The following CHCHD3 variants were observed in gnomAD, a reference collection of about 807,000 sequenced individuals.
CHCHD3 encodes MICOS complex subunit MIC19.
A neutral mutation model predicts 38.2 loss-of-function variants in CHCHD3; 20 were observed. That is an observed-to-expected ratio of 0.52 (90% CI 0.37 to 0.76). The LOEUF (loss-of-function observed/expected upper bound fraction) is 0.76, where lower values mean the gene tolerates loss of function less well. CHCHD3 is among the 30% of genes least tolerant of loss of function. CHCHD3 has a pLI of 0.00. For synonymous variants in CHCHD3, 82 were observed against 100.0 expected (o/e 0.82, Z 1.07); for missense variants, 245 against 279.2 (o/e 0.88, Z 0.87).
At chr7:132,926,536 A>C (rs1810382884) in intron 4 of CHCHD3, among the ~76,000 whole-genome samples, 1 of 152,172 alleles carries the variant, frequency 6.6e-6, no homozygotes, top group Non-Finnish European at 1.5e-5. Context: ...TCTATCCGTA[A>C]AAGGAATTTG....
intron 4 of CHCHD3, among the ~76,000 whole-genome samples, chr7:132,918,449 C>G (rs1462087218): frequency 6.6e-6 from 1 of 152,128 alleles, no homozygotes; most frequent in Non-Finnish European, 1.5e-5. Context: ...CAATCGAGAC[C>G]AGTAAGTGAA....
At chr7:132,868,939 C>T (rs1808697707) in intron 5 of CHCHD3, among the ~76,000 whole-genome samples, 1 of 152,010 alleles carries the variant, frequency 6.6e-6, no homozygotes, top group Admixed American at 6.6e-5. Flanking sequence ...CTCTTGTTGT[C>T]CATTTCATCT....
intron 4 of CHCHD3, among the ~76,000 whole-genome samples, chr7:132,906,905 G>A (rs1331885145): frequency 1.3e-5 from 2 of 152,068 alleles, no homozygotes; most frequent in African/African-American, 2.4e-5. Context: ...AGAATGGCCA[G>A]GACACCAACT....
chr7:132,962,187 T>A (rs1811336386), intron 4 of CHCHD3, among the ~76,000 whole-genome samples: 1 of 152,242 alleles, frequency 6.6e-6, no homozygotes, highest in Admixed American at 6.5e-5. Flanking sequence ...ATAGAGGCTT[T>A]CAACTTTAAC....
intron 4 of CHCHD3, among the ~76,000 whole-genome samples, chr7:132,948,869 GA>G (rs1462244207): frequency 6.6e-6 from 1 of 152,060 alleles, no homozygotes; most frequent in African/African-American, 2.4e-5. Flanking sequence ...GAAATGTGTT[GA>G]AATCAAGTAA....
intron 4 of CHCHD3, among the ~76,000 whole-genome samples, chr7:132,943,463 C>T (rs191453159): frequency 6.6e-5 from 10 of 152,088 alleles, no homozygotes; most frequent in Middle Eastern, 3.4e-3. Context: ...CAAGACAACT[C>T]TAAAGAGAAT....
At chr7:132,992,475 C>T (rs1249155600) in intron 3 of CHCHD3, among the ~76,000 whole-genome samples, 1 of 152,180 alleles carries the variant, frequency 6.6e-6, no homozygotes, top group Non-Finnish European at 1.5e-5. Flanking sequence ...CATTGCTCCC[C>T]CAGTGCTACA....
chr7:133,000,260 C>T (rs887255408), intron 3 of CHCHD3, among the ~76,000 whole-genome samples: 1 of 152,134 alleles, frequency 6.6e-6, no homozygotes, highest in Non-Finnish European at 1.5e-5. Flanking sequence ...ATCATTCGTG[C>T]TGAGCACCAG....
Position 132,863,970 on chromosome 7 carries a change from G to A in CHCHD3, c.453+21692C>T, listed in dbSNP as rs73724117. On this transcript the variant is annotated intron_variant, in intron 5 of 7. Coordinates refer to ENST00000262570, the MANE Select transcript of CHCHD3 (RefSeq NM_017812.4). ...CTGGTCTGATATTCCACCAAACCAC[G>A]AATCTTTCTCCACAGCAGTAATAAA... Among the ~76,000 whole-genome samples the A allele has an allele frequency of 8.8e-3, 1,336 of 152,272 alleles. 25 individuals are homozygous for A. Among genetic ancestry groups the A allele is most frequent in the African/African-American group, 0.031 (1,277 of 41,538 alleles).
chr7:132,975,180 C>G lies in CHCHD3; in HGVS notation c.358G>C (p.Ala120Pro), dbSNP rs201557228. The G allele has an allele frequency of 1.2e-6, 2 of 1,611,786 alleles. No homozygotes were observed. The highest frequency in any genetic ancestry group is 3.3e-5 in the Admixed American group (2 of 60,010). ...RICSEEERAK[A>P]KHLARQLEEK... ...TTTTTAATACTCACCAGGTGCTTTG[C>G]CTTAGCGCGTTCCTCCTCGCTACAT... The change falls in exon 4 of 8, where the codon GCA (alanine) becomes CCA (proline). Residue 120 changes from alanine (A) to proline (P), a missense_variant. Transcript: ENST00000262570.
intron 4 of CHCHD3, among the ~76,000 whole-genome samples, chr7:132,903,850 GGAAA>G (rs1169532310): frequency 1.3e-5 from 2 of 152,182 alleles, no homozygotes; most frequent in African/African-American, 4.8e-5. Flanking sequence ...CCAGACCAGA[GGAAA>G]GAGATTCCCA....
chr7:132,964,014 ACT>A lies in CHCHD3; in HGVS notation c.369+11153_369+11154del, dbSNP rs148992962. ...AATGGTCAATGGCATAGTTTTTCAAACTCTATTCAGAGCTTGGCTTTACAAAC... is the reference window on the plus strand; with the variant it reads ...AATGGTCAATGGCATAGTTTTTCAAACTATTCAGAGCTTGGCTTTACAAAC... On this transcript the variant is annotated intron_variant, in intron 4 of 7. Transcript: ENST00000262570. Among the ~76,000 whole-genome samples the A allele has an allele frequency of 8.4e-3, 1,281 of 151,988 alleles. 10 individuals are homozygous for A. The highest frequency in any genetic ancestry group is 0.065 in the South Asian group (314 of 4,804).
chr7:132,939,469 G>A (rs964214691), intron 4 of CHCHD3, among the ~76,000 whole-genome samples: 3 of 152,124 alleles, frequency 2.0e-5, no homozygotes, highest in Non-Finnish European at 4.4e-5. Flanking sequence ...ATTAAGTACA[G>A]GAATCTGCTA....
rs145876035 is a variant in CHCHD3, at chr7:133,044,019, G to A, written c.170-19392C>T. Among the ~76,000 whole-genome samples, 334 of 152,236 alleles carry A rather than the reference G, an allele frequency of 2.2e-3. 1 individual carries two copies. The highest frequency in any genetic ancestry group is 3.8e-3 in the Non-Finnish European group (258 of 68,020). ...ACCTGCTTTTCAGCATCAGTGTCCC[G>A]TATGTTTCCAGATTTCTACCAATAA... On this transcript the variant is annotated intron_variant, in intron 2 of 7. Transcript: ENST00000262570.
intron 4 of CHCHD3, among the ~76,000 whole-genome samples, chr7:132,929,221 G>A (rs1810460282): frequency 6.6e-6 from 1 of 152,030 alleles, no homozygotes; most frequent in Non-Finnish European, 1.5e-5. Flanking sequence ...GCAACTGATG[G>A]TTCAACCAGT....
chr7:133,067,839 G>A (rs565895760), intron 2 of CHCHD3, among the ~76,000 whole-genome samples: 10 of 152,268 alleles, frequency 6.6e-5, no homozygotes, highest in Non-Finnish European at 1.5e-4. Context: ...TGGCTTGGCC[G>A]GGCACGGTGG....
At chr7:132,921,777 G>A (rs926798951) in intron 4 of CHCHD3, among the ~76,000 whole-genome samples, 1 of 152,208 alleles carries the variant, frequency 6.6e-6, no homozygotes, top group African/African-American at 2.4e-5. Flanking sequence ...AGCCTGAAGG[G>A]CACTTCTTAT....
chr7:132,789,767 C>T (rs922208262), intron 7 of CHCHD3, among the ~76,000 whole-genome samples: 7 of 151,984 alleles, frequency 4.6e-5, no homozygotes, highest in African/African-American at 1.7e-4. Context: ...TGAACTTACC[C>T]AGCGCCTCAC....
chr7:132,963,694 T>TACACACATAC (rs1811387968), intron 4 of CHCHD3, among the ~76,000 whole-genome samples: 1 of 148,796 alleles, frequency 6.7e-6, no homozygotes, highest in Non-Finnish European at 1.5e-5. Context: ...CAAACGATTA[T>TACACACATAC]ACACACACAC....
Sources: allele counts gnomAD v4.1 joint callset (sites outside exome capture counted in the v4.1 genomes callset), GRCh38; gene constraint gnomAD v4.1.1; transcripts MANE v1.5; gene names NCBI Gene and HGNC (gene_info 2026-07-23, HGNC 2026-07-21).